EHBP1: variants seen among roughly 807,000 people sequenced by gnomAD.
EHBP1 encodes the protein EH domain-binding protein 1.
In EHBP1, 55 loss-of-function variants were observed where a neutral mutation model predicts 144.0. That is an observed-to-expected ratio of 0.38 (90% confidence interval 0.31 to 0.48). EHBP1 has a LOEUF of 0.48. EHBP1 is among the 20% of genes least tolerant of loss of function. The probability of loss-of-function intolerance (pLI) is 0.98; values close to 1 mark genes in which losing one functional copy is unlikely to be tolerated. For synonymous variants in EHBP1, 469 were observed against 472.7 expected (o/e 0.99, Z 0.10); for missense variants, 1,200 against 1,364.2 (o/e 0.88, Z 1.90).
chr2:62,705,125 C>A (rs961568211), upstream of EHBP1, among the ~76,000 whole-genome samples: 1 of 152,084 alleles, frequency 6.6e-6, no homozygotes. Context: ...GGGTGCCTGA[C>A]AGGGTCATTA....
intron 1 of EHBP1, among the ~76,000 whole-genome samples, chr2:62,689,443 G>A (rs975530661): frequency 6.6e-6 from 1 of 152,160 alleles, no homozygotes; most frequent in East Asian, 1.9e-4. Context: ...AGGAGTTCAA[G>A]ACCTGCCTGG....
chr2:62,724,423 C>T (rs188646917), intron 2 of EHBP1, among the ~76,000 whole-genome samples: 102 of 152,226 alleles, frequency 6.7e-4, no homozygotes, highest in African/African-American at 2.2e-3. Context: ...TAGTGTACTG[C>T]GTCTCAGTGA....
At chr2:62,722,383 A>G (rs557407875) in intron 2 of EHBP1, among the ~76,000 whole-genome samples, 1 of 152,130 alleles carries the variant, frequency 6.6e-6, no homozygotes, top group South Asian at 2.1e-4. Context: ...TTGGCCTCCC[A>G]AAATGGTGGG....
chr2:62,840,442 G>T (rs1236559766), intron 7 of EHBP1, among the ~76,000 whole-genome samples: 1 of 145,378 alleles, frequency 6.9e-6, no homozygotes, highest in Non-Finnish European at 1.5e-5. Context: ...AGGACTTCAT[G>T]TCCAAAACAC....
intron 21 of EHBP1, among the ~76,000 whole-genome samples, chr2:63,042,176 G>A (rs2061686878): frequency 6.6e-6 from 1 of 151,996 alleles, no homozygotes; most frequent in East Asian, 1.9e-4. Context: ...GTTTGTCCAA[G>A]CCAAAGTCAG....
chr2:62,836,211 G>A (rs555305390), intron 7 of EHBP1, among the ~76,000 whole-genome samples: 31 of 152,188 alleles, frequency 2.0e-4, no homozygotes, highest in African/African-American at 7.5e-4. Context: ...CTAACTGGGA[G>A]GCACCCCCCA....
chr2:62,955,382 A>T lies in EHBP1; in HGVS notation c.2317-135A>T, dbSNP rs2153110139. 11 of 787,336 alleles carry T rather than the reference A, an allele frequency of 1.4e-5. No individual in the cohort carries two copies. The South Asian group carries it at 2.0e-4, about 14-fold the overall frequency. 48.8% of individuals were successfully genotyped at this position (787,336 alleles called of 1,614,324 possible). A position where few individuals can be genotyped will look rare whatever the true frequency, so the allele number is the denominator to read the frequency against. The stretch of plus-strand genomic sequence containing the variant: ...TTTCTAGTCAACATTAATATTCTCT[A>T]TAGGTAATCTCATGAAGCTACAATC... On this transcript the variant is annotated intron_variant, in intron 13 of 22. Coordinates refer to ENST00000431489, the MANE Select transcript of EHBP1 (RefSeq NM_001142616.3).
At chr2:62,934,484 A>AATGT (rs1312398374) in intron 10 of EHBP1, among the ~76,000 whole-genome samples, 3 of 152,100 alleles carry the variant, frequency 2.0e-5, no homozygotes, top group Non-Finnish European at 2.9e-5. Context: ...TTTGACGGAA[A>AATGT]ATGTATACAA....
intron 3 of EHBP1, among the ~76,000 whole-genome samples, chr2:62,754,404 T>TG (rs2152254967): frequency 6.6e-6 from 1 of 152,296 alleles, no homozygotes; most frequent in South Asian, 2.1e-4. Context: ...CTGCCTCTAC[T>TG]GGGGGGTGCC....
At chr2:62,849,183 C>T (rs1198992385) in intron 7 of EHBP1, among the ~76,000 whole-genome samples, 3 of 151,912 alleles carry the variant, frequency 2.0e-5, no homozygotes, top group Non-Finnish European at 4.4e-5. Context: ...CTTTTAGCTT[C>T]TGCTTGGTCC....
At chr2:63,028,304 A>C (rs1041486726) in intron 19 of EHBP1, among the ~76,000 whole-genome samples, 3 of 152,206 alleles carry the variant, frequency 2.0e-5, no homozygotes, top group Admixed American at 6.5e-5. Flanking sequence ...TCTGAACCCA[A>C]GCATGATCAA....
intron 10 of EHBP1, among the ~76,000 whole-genome samples, chr2:62,908,426 T>TC (rs922745095): frequency 2.2e-4 from 33 of 152,232 alleles, no homozygotes; most frequent in Non-Finnish European, 2.9e-4. Context: ...TGATTTTTTT[T>TC]CTCTATTTTT....
At chr2:62,721,774 T>G (rs999277603) in intron 2 of EHBP1, among the ~76,000 whole-genome samples, 4 of 152,220 alleles carry the variant, frequency 2.6e-5, no homozygotes, top group African/African-American at 9.6e-5. Context: ...CAGTTATTTA[T>G]TCATATCAGT....
At chr2:63,043,847 A>T (rs2061786888) in intron 21 of EHBP1, 1 of 130,176 alleles carries the variant, frequency 7.7e-6, no homozygotes, top group Non-Finnish European at 1.5e-5. Context: ...ACCCAAAAGG[A>T]TTGCACTTCT....
chr2:63,044,771 C>A (rs1025825003), intron 21 of EHBP1: 93 of 235,178 alleles, frequency 4.0e-4, no homozygotes, highest in Non-Finnish European at 6.5e-4. Context: ...TCCCCTCCCC[C>A]ACTTTGGCTG....
At chr2:63,029,727 C>T (rs2061151199) in intron 19 of EHBP1, among the ~76,000 whole-genome samples, 2 of 151,934 alleles carry the variant, frequency 1.3e-5, no homozygotes, top group African/African-American at 4.8e-5. Flanking sequence ...CTAAACTGAA[C>T]AAAAGCTATA....
intron 2 of EHBP1, among the ~76,000 whole-genome samples, chr2:62,735,561 T>A (rs2038045327): frequency 6.6e-6 from 1 of 152,206 alleles, no homozygotes. Context: ...ATCTGTTAGA[T>A]CAATTAGGTA....
At chr2:62,728,981 A>G (rs1450346171) in intron 2 of EHBP1, among the ~76,000 whole-genome samples, 3 of 151,336 alleles carry the variant, frequency 2.0e-5, no homozygotes, top group Non-Finnish European at 4.4e-5. Flanking sequence ...TTTGTATGTG[A>G]GTATTTACTT....
chr2:63,045,069 G>T lies in EHBP1; in HGVS notation c.3281G>T (p.Trp1094Leu). ...ACTAGCCTCCCGTCTTCTGCAGACT[G>T]GCAGAAGACCGAGGCCCAGAAGCGA... is the stretch of plus-strand genomic sequence containing the variant. ...ELRAMLAIED[W>L]QKTEAQKRRE... Residue 1094 changes from tryptophan (W) to leucine (L), a missense_variant, in exon 22 of 23, where the codon TGG becomes TTG. This residue lies in a region of EHBP1 where 149 missense variants were observed against 217.0 expected (regional missense o/e 0.69). Transcript: ENST00000431489. The surrounding 1 kb of genome is among the most constrained non-coding windows in gnomAD (Gnocchi z 5.7). 1 of 1,555,964 alleles carries T rather than the reference G, an allele frequency of 6.4e-7. No individual in the cohort carries two copies. The highest frequency in any genetic ancestry group is 8.7e-7 in the Non-Finnish European group (1 of 1,148,062).
Sources: allele counts gnomAD v4.1 joint callset (sites outside exome capture counted in the v4.1 genomes callset), GRCh38; gene constraint gnomAD v4.1.1; regional missense constraint gnomAD v4.1.1; non-coding constraint Gnocchi (gnomAD v3.1); transcripts MANE v1.5; gene names NCBI Gene and HGNC (gene_info 2026-07-23, HGNC 2026-07-21).